Variants in PDE1C observed in about 807,000 individuals in gnomAD.
PDE1C encodes the protein phosphodiesterase 1C.
Under a neutral mutation model 93.1 loss-of-function variants are expected in PDE1C, and 62 were observed. The observed-to-expected ratio is 0.67, with a 90% CI of 0.54 to 0.82. PDE1C has a LOEUF of 0.82. Among genes scored for constraint, PDE1C ranks in the 40% least tolerant of loss-of-function variants. The probability of loss-of-function intolerance (pLI) is 0.00; values close to 1 mark genes in which losing one functional copy is unlikely to be tolerated. For missense variants in PDE1C, 742 were observed against 884.6 expected, an observed-to-expected ratio of 0.84 and a Z score of 2.04; for synonymous variants, 325 against 310.1, an observed-to-expected ratio of 1.05 and a Z score of -0.50.
intron 1 of PDE1C, among the ~76,000 whole-genome samples, chr7:32,223,747 C>G (rs933653604): frequency 6.6e-6 from 1 of 152,220 alleles, no homozygotes; most frequent in African/African-American, 2.4e-5. Context: ...ACAAGCCCCC[C>G]TCATCAAATA....
At chr7:31,749,462 A>G (rs1202042735), downstream of PDE1C, among the ~76,000 whole-genome samples, 3 of 152,168 alleles carry the variant, frequency 2.0e-5, no homozygotes, top group Admixed American at 6.5e-5. Flanking sequence ...CCCAGAGTCA[A>G]TGCCCATTGT....
downstream of PDE1C, among the ~76,000 whole-genome samples, chr7:31,747,332 G>A (rs866237678): frequency 6.6e-6 from 1 of 152,092 alleles, no homozygotes; most frequent in African/African-American, 2.4e-5. Flanking sequence ...TCAACAATAA[G>A]GACAGTAAGT....
At chr7:32,306,926 AG>A (rs1427769552) in intron 1 of PDE1C, among the ~76,000 whole-genome samples, 1 of 152,218 alleles carries the variant, frequency 6.6e-6, no homozygotes, top group Admixed American at 6.5e-5. Context: ...AAACATCAGG[AG>A]CCAGTGTCAA....
intron 15 of PDE1C, among the ~76,000 whole-genome samples, chr7:31,809,741 G>T (rs62457313): frequency 3.9e-5 from 6 of 152,034 alleles, no homozygotes; most frequent in Admixed American, 3.3e-4. Flanking sequence ...AAATATATTT[G>T]CTAAGTTAGA....
At chr7:31,787,095 C>T (rs1784085555) in intron 16 of PDE1C, 1 of 152,162 alleles carries the variant, frequency 6.6e-6, no homozygotes, top group African/African-American at 2.4e-5. Context: ...GGATTACCGT[C>T]TCACATCCCA....
intron 1 of PDE1C, among the ~76,000 whole-genome samples, chr7:32,381,717 C>G (rs1430335709): frequency 6.6e-6 from 1 of 152,210 alleles, no homozygotes; most frequent in Non-Finnish European, 1.5e-5. Flanking sequence ...TCCAAAATAG[C>G]CTTCTCCAGC....
the PDE1C span, among the ~76,000 whole-genome samples, chr7:31,628,944 A>G: frequency 2.1e-4 from 32 of 152,320 alleles, no homozygotes; most frequent in South Asian, 8.3e-4. Flanking sequence ...AGGAAAAAAC[A>G]AAAACAAAAA....
intron 16 of PDE1C, chr7:31,787,687 G>A (rs1305521212): frequency 2.0e-5 from 3 of 152,186 alleles, no homozygotes; most frequent in African/African-American, 7.2e-5. Flanking sequence ...GTAAACCAGA[G>A]TAAGATGCCA....
chr7:31,737,070 T>A, the PDE1C span, among the ~76,000 whole-genome samples: 1 of 152,162 alleles, frequency 6.6e-6, no homozygotes, highest in East Asian at 1.9e-4. Context: ...CCTGCCTCAG[T>A]GTCCCAAATA....
chr7:32,214,181 A>G (rs1806255814), intron 1 of PDE1C, among the ~76,000 whole-genome samples: 1 of 152,008 alleles, frequency 6.6e-6, no homozygotes. Context: ...GGACACATAT[A>G]TACATTTTAT....
chr7:32,364,359 C>T (rs138714932), intron 1 of PDE1C, among the ~76,000 whole-genome samples: 3 of 152,226 alleles, frequency 2.0e-5, no homozygotes, highest in African/African-American at 4.8e-5. Flanking sequence ...TTGACAGGAG[C>T]GCCAGGAGGG....
chr7:31,620,983 G>A, the PDE1C span, among the ~76,000 whole-genome samples: 229 of 151,756 alleles, frequency 1.5e-3, 1 homozygote, highest in Middle Eastern at 0.02. Flanking sequence ...GAGCCAATGC[G>A]ATCAACTGGA....
intron 1 of PDE1C, among the ~76,000 whole-genome samples, chr7:32,282,485 A>AATAGATAGATAGAGAGATAG (rs1811717155): frequency 7.0e-6 from 1 of 143,860 alleles, no homozygotes; most frequent in Non-Finnish European, 1.5e-5. Flanking sequence ...TCAAAAAAAA[A>AATAGATAGATAGAGAGATAG]ATAGATAGAT....
At chr7:31,863,231 G>A (rs917558188) in intron 7 of PDE1C, among the ~76,000 whole-genome samples, 1 of 152,028 alleles carries the variant, frequency 6.6e-6, no homozygotes, top group Admixed American at 6.5e-5. Flanking sequence ...TTTAAAAACT[G>A]CTGGGAATGT....
chr7:32,110,200 T>C lies in PDE1C; in HGVS notation c.308+59585A>G, dbSNP rs550922770. On this transcript the variant is annotated intron_variant, in intron 3 of 18. Transcript: ENST00000396193. The stretch of plus-strand genomic sequence containing the variant: ...ACACTACATCAGCAGAACTGAGTGG[T>C]TGCCACAGAGACTGTATGTCCCAGA... 1.2e-3 allele frequency among the ~76,000 whole-genome samples: 178 copies of C among 152,296 alleles called. 2 individuals are homozygous for C. The Middle Eastern group carries it at 0.031, about 26-fold the overall frequency.
chr7:31,966,617 C>T (rs1050570076), intron 2 of PDE1C, among the ~76,000 whole-genome samples: 7 of 152,206 alleles, frequency 4.6e-5, no homozygotes, highest in Non-Finnish European at 8.8e-5. Context: ...ACCTAATAGA[C>T]ATCTACAGAA....
chr7:32,345,921 A>G (rs1783845460), intron 1 of PDE1C, among the ~76,000 whole-genome samples: 1 of 152,222 alleles, frequency 6.6e-6, no homozygotes. Context: ...TCACTTTGGA[A>G]AACAGTTTGG....
At chr7:31,880,403 T>G (rs544557959) in intron 3 of PDE1C, among the ~76,000 whole-genome samples, 32 of 152,336 alleles carry the variant, frequency 2.1e-4, no homozygotes, top group South Asian at 4.1e-4. Context: ...AAACTCAATT[T>G]TTAGACTAAC....
intron 1 of PDE1C, among the ~76,000 whole-genome samples, chr7:32,309,709 T>G (rs931073219): frequency 3.9e-5 from 6 of 152,192 alleles, no homozygotes; most frequent in Admixed American, 6.5e-5. Context: ...TGAGAGATTT[T>G]GTCACCACCA....
Sources: allele counts gnomAD v4.1 joint callset (sites outside exome capture counted in the v4.1 genomes callset), GRCh38; gene constraint gnomAD v4.1.1; transcripts MANE v1.5; gene names NCBI Gene and HGNC (gene_info 2026-07-23, HGNC 2026-07-21).